The following FOXO3 variants were observed in gnomAD, a reference collection of about 807,000 sequenced individuals.
FOXO3 encodes forkhead box protein O3.
FOXO3 carries 4 observed loss-of-function variants against 41.9 expected under a neutral mutation model. The observed-to-expected ratio is 0.10, with a 90% confidence interval of 0.05 to 0.22. FOXO3 has a LOEUF of 0.22. Ranked by LOEUF, FOXO3 falls within the 10% of genes least tolerant of loss-of-function variation. The pLI is 1.00. For missense variants in FOXO3, 534 were observed against 906.8 expected (o/e 0.59, Z 5.28); for synonymous variants, 318 against 389.3 (o/e 0.82, Z 2.16).
At chr6:108,563,251 C>G (rs1775864751) in intron 1 of FOXO3, among the ~76,000 whole-genome samples, 1 of 152,136 alleles carries the variant, frequency 6.6e-6, no homozygotes. Flanking sequence ...ATCAGAGAGG[C>G]TTTGTATTAG....
intron 1 of FOXO3, among the ~76,000 whole-genome samples, chr6:108,602,375 G>C (rs950819658): frequency 6.6e-6 from 1 of 151,960 alleles, no homozygotes; most frequent in African/African-American, 2.4e-5. Context: ...TCTGCCATAC[G>C]CCTGTAGCAG....
chr6:108,589,577 C>T (rs1776676756), intron 1 of FOXO3, among the ~76,000 whole-genome samples: 1 of 152,204 alleles, frequency 6.6e-6, no homozygotes, highest in Non-Finnish European at 1.5e-5. Context: ...TCCGGGTTTC[C>T]AGTGCAGACT....
chr6:108,605,141 C>T (rs975932000), intron 1 of FOXO3, among the ~76,000 whole-genome samples: 17 of 151,796 alleles, frequency 1.1e-4, no homozygotes, highest in East Asian at 1.9e-4. Context: ...TTCCCTGAGA[C>T]GGAGTCTCAT....
At chr6:108,594,109 T>C (rs1310954273) in intron 1 of FOXO3, among the ~76,000 whole-genome samples, 2 of 152,226 alleles carry the variant, frequency 1.3e-5, no homozygotes, top group Non-Finnish European at 2.9e-5. Flanking sequence ...GAGGAGAAGA[T>C]GGCAGAAAGC....
In FOXO3 at chr6:108,599,835, G is replaced by GACTT. The variant is rs796195254; in HGVS notation, c.621+38007_621+38010dup. Among the ~76,000 whole-genome samples, 8 of 152,178 alleles carry GACTT rather than the reference G, an allele frequency of 5.3e-5. No homozygotes were observed. The East Asian group carries it at 9.7e-4, about 18-fold the overall frequency. On this transcript the variant is annotated intron_variant, in intron 1 of 2. Coordinates refer to ENST00000406360, the MANE Select transcript of FOXO3 (RefSeq NM_001455.4). ...TCTTCCTCCCATCCCACTTACTTTT[G>GACTT]ACTTTGAAGGTGGATTATCTCATCT...
chr6:108,649,292 T>G (rs1452000335), intron 1 of FOXO3, among the ~76,000 whole-genome samples: 2 of 151,930 alleles, frequency 1.3e-5, no homozygotes, highest in Non-Finnish European at 2.9e-5. Context: ...TGTCTGCCCT[T>G]TGCTCTGGAG....
At position 108,663,880 on chromosome 6, in the gene FOXO3, C is replaced by T; in HGVS notation, c.1047C>T (p.Ser349=). Residue 349 remains serine, a synonymous_variant, in exon 2 of 3, where the codon AGC becomes AGT. Transcript: ENST00000406360. ...CGCCTCTCTCGCCCATGCTCTACAG[C>T]AGCTCAGCCAGCCTGTCACCTTCAG... is the stretch of plus-strand genomic sequence containing the variant. The part of the protein sequence containing the change: ...DDAPLSPMLY[S]SSASLSPSVS... 4 of 1,614,200 alleles carry T rather than the reference C, an allele frequency of 2.5e-6. No homozygotes were observed. Among genetic ancestry groups the T allele is most frequent in the Non-Finnish European group, 3.4e-6 (4 of 1,180,016 alleles).
intron 1 of FOXO3, among the ~76,000 whole-genome samples, chr6:108,637,806 C>T (rs1367370837): frequency 6.6e-6 from 1 of 151,896 alleles, no homozygotes; most frequent in Non-Finnish European, 1.5e-5. Flanking sequence ...AAATTTTTTT[C>T]CCTTCAGTTG....
chr6:108,622,097 C>G (rs182830831), intron 1 of FOXO3, among the ~76,000 whole-genome samples: 43 of 151,668 alleles, frequency 2.8e-4, no homozygotes, highest in African/African-American at 9.9e-4. Flanking sequence ...TCTCTACTAA[C>G]AATACAAAAA....
intron 1 of FOXO3, among the ~76,000 whole-genome samples, chr6:108,651,885 A>G (rs1386033950): frequency 6.6e-6 from 1 of 152,228 alleles, no homozygotes; most frequent in Non-Finnish European, 1.5e-5. Context: ...AAAAGGCATC[A>G]TATTTTAAGA....
intron 1 of FOXO3, among the ~76,000 whole-genome samples, chr6:108,623,441 C>G (rs1777728695): frequency 6.6e-6 from 1 of 152,172 alleles, no homozygotes; most frequent in Admixed American, 6.5e-5. Context: ...CCCCCAGGTT[C>G]ATCCCTAAGC....
At chr6:108,659,401 G>A (rs909957742) in intron 1 of FOXO3, among the ~76,000 whole-genome samples, 1 of 152,140 alleles carries the variant, frequency 6.6e-6, no homozygotes, top group Non-Finnish European at 1.5e-5. Context: ...AGGCCTATAT[G>A]AAAGGTTGTA....
intron 1 of FOXO3, among the ~76,000 whole-genome samples, chr6:108,617,814 G>A (rs540134175): frequency 7.2e-5 from 11 of 152,188 alleles, no homozygotes; most frequent in Non-Finnish European, 1.2e-4. Flanking sequence ...AATGCAGTGT[G>A]CTTGTGCACA....
chr6:108,614,284 C>T (rs1777435623), intron 1 of FOXO3, among the ~76,000 whole-genome samples: 1 of 152,104 alleles, frequency 6.6e-6, no homozygotes, highest in Non-Finnish European at 1.5e-5. Context: ...GTTGAAATAT[C>T]CAGCTGTAAT....
intron 1 of FOXO3, among the ~76,000 whole-genome samples, chr6:108,598,569 A>G (rs1212299221): frequency 3.3e-5 from 5 of 152,310 alleles, no homozygotes; most frequent in East Asian, 1.9e-4. Flanking sequence ...CTCTTGAACA[A>G]AGTTACGCAC....
intron 2 of FOXO3, among the ~76,000 whole-genome samples, chr6:108,665,334 A>G (rs926992049): frequency 1.6e-4 from 24 of 152,156 alleles, no homozygotes; most frequent in Non-Finnish European, 1.9e-4. Flanking sequence ...GCTTTTGTCA[A>G]TCTTCAGTGT....
intron 1 of FOXO3, among the ~76,000 whole-genome samples, chr6:108,564,790 G>T (rs1425861847): frequency 4.1e-5 from 6 of 147,818 alleles, no homozygotes; most frequent in Admixed American, 3.4e-4. Context: ...TTTGTGTTTT[G>T]TTTTTTTTTT....
rs1310794295 is a variant in FOXO3, at chr6:108,663,586, T to C, written c.753T>C (p.Ala251=). Residue 251 remains alanine (A), a synonymous_variant, in exon 2 of 3, where the codon GCT becomes GCC. Transcript: ENST00000406360. ...GKSGKAPRRR[A]VSMDNSNKYT... is the part of the protein sequence containing the mutation. ...GCGGAAAAGCCCCCCGGCGGCGGGC[T>C]GTCTCCATGGACAATAGCAACAAGT... 6.2e-7 allele frequency: 1 copy of C among 1,613,652 alleles called. No homozygotes were observed. The highest frequency in any genetic ancestry group is 1.1e-5 in the South Asian group (1 of 91,066).
intron 1 of FOXO3, among the ~76,000 whole-genome samples, chr6:108,585,835 G>A (rs556444330): frequency 2.6e-5 from 4 of 152,208 alleles, no homozygotes; most frequent in East Asian, 3.9e-4. Context: ...ATACAAAATC[G>A]CTCTGTGCTT....
Sources: allele counts gnomAD v4.1 joint callset (sites outside exome capture counted in the v4.1 genomes callset), GRCh38; gene constraint gnomAD v4.1.1; transcripts MANE v1.5; gene names NCBI Gene and HGNC (gene_info 2026-07-23, HGNC 2026-07-21).